The following STXBP6 variants were observed in gnomAD, a reference collection of about 807,000 sequenced individuals.
The protein encoded by STXBP6 is syntaxin binding protein 6.
STXBP6 carries 21 observed loss-of-function variants against 26.9 expected under a neutral mutation model. The observed-to-expected ratio is 0.78, with a 90% confidence interval of 0.55 to 1.12. The LOEUF (loss-of-function observed/expected upper bound fraction) is 1.12, where lower values mean the gene tolerates loss of function less well. Ranked by LOEUF, STXBP6 falls within the 50% of genes most tolerant of loss-of-function variation. STXBP6 has a pLI of 0.00. For synonymous variants in STXBP6, 97 were observed against 92.6 expected, an observed-to-expected ratio of 1.05 and a Z score of -0.27; for missense variants, 232 against 257.9, an observed-to-expected ratio of 0.90 and a Z score of 0.69.
intron 1 of STXBP6, among the ~76,000 whole-genome samples, chr14:25,010,851 TG>T (rs901141861): frequency 7.2e-5 from 11 of 152,114 alleles, no homozygotes; most frequent in African/African-American, 2.7e-4. Context: ...ACAAGACCAA[TG>T]GTGGTGGTGT....
chr14:24,961,011 C>T (rs1430719747), intron 2 of STXBP6, among the ~76,000 whole-genome samples: 1 of 152,194 alleles, frequency 6.6e-6, no homozygotes, highest in African/African-American at 2.4e-5. Context: ...CTGCAGGCCC[C>T]ATTTTTTCGT....
chr14:24,862,480 C>G (rs1221920476), intron 2 of STXBP6, among the ~76,000 whole-genome samples: 4 of 152,128 alleles, frequency 2.6e-5, no homozygotes, highest in Non-Finnish European at 4.4e-5. Flanking sequence ...AAAATCAGTG[C>G]ATAGGGCTTT....
chr14:24,816,867 C>A (rs1447989601), intron 5 of STXBP6: 1 of 152,086 alleles, frequency 6.6e-6, no homozygotes, highest in Non-Finnish European at 1.5e-5. Flanking sequence ...AGTATCAATT[C>A]TCCAATCCCT....
rs1282009203 is a variant in STXBP6, at chr14:24,857,157, A to G, written c.155T>C (p.Val52Ala). 1.2e-6 allele frequency: 2 copies of G among 1,612,646 alleles called. No homozygotes were observed. Among genetic ancestry groups the G allele is most frequent in the Non-Finnish European group, 1.7e-6 (2 of 1,179,014 alleles). The change falls in exon 3 of 6, where the codon GTG becomes GCG. Residue 52 changes from valine to alanine, a missense_variant and splice_region_variant. Coordinates refer to ENST00000323944, the MANE Select transcript of STXBP6 (RefSeq NM_001394410.1). Reference protein sequence around the residue: ...GEYLTYICLSVTNKKPTQASI... With the variant: ...GEYLTYICLSATNKKPTQASI... ...CGCCTGTGTGGGTTTCTTGTTTGTCACTGCCAAGAAAAGATCACTCAGATT... is the reference window on the plus strand; with the variant it reads ...CGCCTGTGTGGGTTTCTTGTTTGTCGCTGCCAAGAAAAGATCACTCAGATT...
intron 1 of STXBP6, among the ~76,000 whole-genome samples, chr14:25,004,986 T>C (rs538456075): frequency 3.9e-5 from 6 of 152,318 alleles, no homozygotes; most frequent in South Asian, 4.1e-4. Context: ...TCTGAAACTG[T>C]TGTCTTTACT....
At chr14:24,989,421 C>A (rs1034480671) in intron 1 of STXBP6, among the ~76,000 whole-genome samples, 2 of 152,148 alleles carry the variant, frequency 1.3e-5, no homozygotes, top group African/African-American at 2.4e-5. Flanking sequence ...ATCGTCACAG[C>A]GATTTGGGGG....
At chr14:24,815,516 C>G (rs2067946889) in intron 5 of STXBP6, 2 of 149,946 alleles carry the variant, frequency 1.3e-5, no homozygotes, top group South Asian at 4.2e-4. Flanking sequence ...TATTATAAGA[C>G]CTGTGCTCCG....
chr14:24,947,371 A>G (rs375826428), intron 2 of STXBP6, among the ~76,000 whole-genome samples: 2 of 152,250 alleles, frequency 1.3e-5, no homozygotes, highest in East Asian at 3.8e-4. Context: ...CTGAGAGCAC[A>G]ACGTGGTGAA....
At chr14:24,974,238 TAAGAC>T (rs2073983732) in intron 2 of STXBP6, among the ~76,000 whole-genome samples, 1 of 152,230 alleles carries the variant, frequency 6.6e-6, no homozygotes, top group Non-Finnish European at 1.5e-5. Flanking sequence ...ATATTTATCT[TAAGAC>T]AAGTGATTAC....
At chr14:24,984,509 A>C (rs1027733864) in intron 1 of STXBP6, among the ~76,000 whole-genome samples, 5 of 152,164 alleles carry the variant, frequency 3.3e-5, no homozygotes, top group African/African-American at 1.2e-4. Context: ...CAATTTCCCA[A>C]ATGAAATTTC....
intron 2 of STXBP6, among the ~76,000 whole-genome samples, chr14:24,865,446 A>C (rs764019722): frequency 3.9e-5 from 6 of 152,200 alleles, no homozygotes; most frequent in Non-Finnish European, 8.8e-5. Flanking sequence ...TAAAATTCTT[A>C]AGACAGAGTA....
Position 24,987,257 on chromosome 14 carries a change from G to C in STXBP6, c.-32-12407C>G, listed in dbSNP as rs117608062. ...CCCTGACTCGACCTGACAGATGTTG[G>C]ATGGTGACAAGAAGTTTTTACATTT... On this transcript the variant is annotated intron_variant, in intron 1 of 5. Transcript: ENST00000323944. 4.8e-3 allele frequency among the ~76,000 whole-genome samples: 641 copies of C among 133,198 alleles called. 14 individuals carry two copies. The highest frequency in any genetic ancestry group is 0.045 in the East Asian group (232 of 5,154). 87.4% of individuals were successfully genotyped at this position (133,198 alleles called of 152,430 possible). A position where few individuals can be genotyped will look rare whatever the true frequency, so the allele number is the denominator to read the frequency against.
chr14:24,851,809 C>T (rs1335597580), intron 4 of STXBP6, among the ~76,000 whole-genome samples: 5 of 152,154 alleles, frequency 3.3e-5, no homozygotes, highest in African/African-American at 7.2e-5. Context: ...CCTCTGCCTT[C>T]AATCTCTGTA....
Position 24,810,930 on chromosome 14 carries a change from T to C in STXBP6, c.*1779A>G, listed in dbSNP as rs1356724003. The C allele has an allele frequency of 6.8e-6, 1 of 146,988 alleles. No homozygotes were observed. Among genetic ancestry groups the C allele is most frequent in the African/African-American group, 2.5e-5 (1 of 39,844 alleles). 9.1% of individuals were successfully genotyped at this position (146,988 alleles called of 1,614,324 possible). Reference sequence around the variant, plus strand: ...TCTGAACTGAGATCTGCAAACAAAATCTATTTGGAGTGATATTTGGGGCTT... The same window carrying C: ...TCTGAACTGAGATCTGCAAACAAAACCTATTTGGAGTGATATTTGGGGCTT... On this transcript the variant is annotated 3_prime_UTR_variant, in exon 6 of 6. Coordinates refer to ENST00000323944, the MANE Select transcript of STXBP6 (RefSeq NM_001394410.1).
chr14:24,916,709 G>A (rs1385395814), intron 2 of STXBP6, among the ~76,000 whole-genome samples: 1 of 152,012 alleles, frequency 6.6e-6, no homozygotes, highest in Admixed American at 6.6e-5. Flanking sequence ...GACACCTGGG[G>A]ACCTTAGGTC....
At chr14:24,879,598 A>G (rs2070279595) in intron 2 of STXBP6, among the ~76,000 whole-genome samples, 1 of 152,076 alleles carries the variant, frequency 6.6e-6, no homozygotes, top group South Asian at 2.1e-4. Context: ...TTTGATGGAG[A>G]TTCTATTATG....
At chr14:24,868,443 A>G (rs1034398618) in intron 2 of STXBP6, among the ~76,000 whole-genome samples, 1 of 152,206 alleles carries the variant, frequency 6.6e-6, no homozygotes, top group Non-Finnish European at 1.5e-5. Context: ...TAAGGATACC[A>G]AGTGTTGGCT....
chr14:24,987,796 A>C (rs1475165535), intron 1 of STXBP6: 1 of 974,540 alleles, frequency 1.0e-6, no homozygotes, highest in Admixed American at 6.2e-5. Context: ...AGGGAGATGC[A>C]GAGTGGTGTG....
chr14:24,960,165 C>G (rs1337134207), intron 2 of STXBP6, among the ~76,000 whole-genome samples: 3 of 152,230 alleles, frequency 2.0e-5, no homozygotes, highest in Non-Finnish European at 4.4e-5. Context: ...GCCATGGAAT[C>G]TGGGGGCAGA....
Sources: allele counts gnomAD v4.1 joint callset (sites outside exome capture counted in the v4.1 genomes callset), GRCh38; gene constraint gnomAD v4.1.1; transcripts MANE v1.5; gene names NCBI Gene and HGNC (gene_info 2026-07-23, HGNC 2026-07-21).